MROH2B: variants seen among roughly 807,000 people sequenced by gnomAD.
MROH2B encodes the protein maestro heat-like repeat-containing protein family member 2B.
MROH2B carries 177 observed loss-of-function variants against 208.6 expected under a neutral mutation model. That is an observed-to-expected ratio of 0.85 (90% CI 0.75 to 0.96). The LOEUF (loss-of-function observed/expected upper bound fraction) is 0.96. Among genes scored for constraint, MROH2B ranks in the 40% least tolerant of loss-of-function variants. The pLI, the probability that MROH2B is intolerant of heterozygous loss-of-function variation, is 0.00. For synonymous variants in MROH2B, 728 were observed against 659.0 expected, an observed-to-expected ratio of 1.10 and a Z score of -1.60; for missense variants, 2,002 against 1,878.7, an observed-to-expected ratio of 1.07 and a Z score of -1.21.
At chr5:41,016,512 T>TG (rs925402275) in intron 28 of MROH2B, among the ~76,000 whole-genome samples, 2 of 142,068 alleles carry the variant, frequency 1.4e-5, no homozygotes, top group African/African-American at 5.2e-5. Flanking sequence ...TTTTTTTTTT[T>TG]TTTTTTTTTT....
intron 30 of MROH2B, among the ~76,000 whole-genome samples, chr5:41,011,235 A>T (rs1314372650): frequency 6.6e-6 from 1 of 152,214 alleles, no homozygotes; most frequent in East Asian, 1.9e-4. Flanking sequence ...ATAGACATTT[A>T]AGTTAGACAT....
chr5:41,013,317 T>C (rs1741832986), intron 29 of MROH2B, among the ~76,000 whole-genome samples: 1 of 152,192 alleles, frequency 6.6e-6, no homozygotes, highest in Non-Finnish European at 1.5e-5. Flanking sequence ...AATTGTTGTC[T>C]CTAGGTACAA....
Position 41,061,693 on chromosome 5 carries a change from T to C in MROH2B, c.492A>G (p.Lys164=). The C allele has an allele frequency of 6.2e-7, 1 of 1,613,796 alleles. No individual in the cohort carries two copies. Among genetic ancestry groups the C allele is most frequent in the African/African-American group, 1.3e-5 (1 of 75,050 alleles). ...ALEKFSKAIY[K]YVNHWRDFPY... is the part of the protein sequence containing the mutation. ...GAAAATCTCTCCAGTGGTTGACATATTTGTAAATGGCTTTGCTGAATTTCT... is the reference window on the plus strand; with the variant it reads ...GAAAATCTCTCCAGTGGTTGACATACTTGTAAATGGCTTTGCTGAATTTCT... Residue 164 remains lysine, a synonymous_variant, in exon 6 of 42, where the codon AAA becomes AAG. Coordinates refer to ENST00000399564, the MANE Select transcript of MROH2B (RefSeq NM_173489.5).
intron 34 of MROH2B, 140 bp from the exon 35 acceptor site, chr5:41,005,785 C>A (rs752987052): frequency 5.7e-6 from 4 of 700,680 alleles, no homozygotes; most frequent in Non-Finnish European, 7.2e-6. Context: ...AATCCTAGAA[C>A]TTTGGGAGGC....
rs774295942 is a variant in MROH2B at position 41,038,758 on chromosome 5, G to T, written c.2192C>A (p.Ser731Tyr). The T allele has an allele frequency of 5.0e-6, 8 of 1,612,874 alleles. No individual in the cohort carries two copies. Among genetic ancestry groups the T allele is most frequent in the Non-Finnish European group, 5.9e-6 (7 of 1,179,438 alleles). ...LNQDIISQVL[S>Y]LHGQCSQVLG... is the part of the protein sequence containing the mutation. ...TACCTGAGAGCACTGGCCATGAAGA[G>T]ACAGGACTTGGGATATGATATCTTG... is the stretch of plus-strand genomic sequence containing the variant. Residue 731 changes from serine (S) to tyrosine (Y), a missense_variant, in exon 21 of 42, where the codon TCT becomes TAT. Transcript: ENST00000399564.
Position 41,058,109 on chromosome 5 carries a change from A to T in MROH2B, c.710T>A (p.Leu237His). The change falls in exon 7 of 42, where the codon CTC becomes CAC. Residue 237 changes from leucine to histidine, a missense_variant. Coordinates refer to ENST00000399564, the MANE Select transcript of MROH2B (RefSeq NM_173489.5). Reference protein sequence around the residue: ...RGYALGQVPWLLNQYKDKEID... With the variant: ...RGYALGQVPWHLNQYKDKEID... ...CTCTTTGTCTTTATACTGGTTCAGGAGCCAGGGCACCTGGCCCAGGGCGTA... is the reference window on the plus strand; with the variant it reads ...CTCTTTGTCTTTATACTGGTTCAGGTGCCAGGGCACCTGGCCCAGGGCGTA... 2 of 1,606,490 alleles carry T rather than the reference A, an allele frequency of 1.2e-6. No homozygotes were observed. The highest frequency in any genetic ancestry group is 1.7e-6 in the Non-Finnish European group (2 of 1,176,282).
chr5:41,054,743 A>G, intron 11 of MROH2B, 24 bp downstream of exon 11: 3 of 1,548,044 alleles, frequency 1.9e-6, no homozygotes, highest in Non-Finnish European at 2.6e-6. Context: ...TACCATCGAC[A>G]AGAGTTTCTA....
chr5:41,018,985 G>A lies in MROH2B; in HGVS notation c.2475C>T (p.His825=). Residue 825 remains histidine (H), a synonymous_variant, in exon 25 of 42, where the codon CAC becomes CAT. Transcript: ENST00000399564. The part of the protein sequence containing the change: ...KLKPQLSLQD[H]LNILEENIRR... Reference sequence around the variant, plus strand: ...GAATATTCTCCTCAAGAATGTTAAGGTGGTCTTGTAGTGAGAGCTGAGGTT... The same window carrying A: ...GAATATTCTCCTCAAGAATGTTAAGATGGTCTTGTAGTGAGAGCTGAGGTT... 2 of 1,613,882 alleles carry A rather than the reference G, an allele frequency of 1.2e-6. No individual in the cohort carries two copies. The highest frequency in any genetic ancestry group is 1.7e-6 in the Non-Finnish European group (2 of 1,179,858).
intron 6 of MROH2B, among the ~76,000 whole-genome samples, chr5:41,058,822 G>A (rs992592158): frequency 1.3e-5 from 2 of 151,808 alleles, no homozygotes; most frequent in East Asian, 1.9e-4. Context: ...CGAGGCAGGC[G>A]GATCGCCTGA....
At chr5:41,068,211 C>T (rs902838115) in intron 2 of MROH2B, among the ~76,000 whole-genome samples, 1 of 152,214 alleles carries the variant, frequency 6.6e-6, no homozygotes. Flanking sequence ...TGCATTACTC[C>T]TCAGGGCTGG....
intron 11 of MROH2B, among the ~76,000 whole-genome samples, chr5:41,053,975 C>T (rs1264446225): frequency 6.6e-6 from 1 of 151,902 alleles, no homozygotes. Context: ...TAACTTCTAA[C>T]ATAGAACACC....
intron 37 of MROH2B, 105 bp downstream of exon 37, chr5:41,004,241 A>C: frequency 1.5e-6 from 2 of 1,361,424 alleles, no homozygotes; most frequent in Non-Finnish European, 2.0e-6. Flanking sequence ...GGGGCAGGCC[A>C]AGGAATATGG....
chr5:41,060,618 T>C (rs1426915961), intron 6 of MROH2B, among the ~76,000 whole-genome samples: 2 of 152,200 alleles, frequency 1.3e-5, no homozygotes, highest in African/African-American at 4.8e-5. Flanking sequence ...GCTGCAAGGA[T>C]CAATTCCAAT....
rs1188361897 is a variant in MROH2B, at chr5:41,067,121, A to G, written c.188T>C (p.Met63Thr). The G allele has an allele frequency of 5.2e-6, 8 of 1,549,892 alleles. No homozygotes were observed. Among genetic ancestry groups the G allele is most frequent in the South Asian group, 1.2e-5 (1 of 84,154 alleles). The change falls in exon 3 of 42, where the codon ATG becomes ACG. Residue 63 changes from methionine (M) to threonine (T), a missense_variant. Met to Thr is a moderately conservative substitution (Grantham distance 81, BLOSUM62 -1). Transcript: ENST00000399564. ...QRLIYYASKD[M>T]RDNNMLREIR... ...AACCAAACTTACATTGTTGTCTCTC[A>G]TATCCTTAGAAGCATAATAAATCAA...
chr5:41,000,134 A>G, intron 39 of MROH2B, 86 bp downstream of exon 39: 1 of 1,549,142 alleles, frequency 6.5e-7, no homozygotes, highest in Non-Finnish European at 8.7e-7. Context: ...CTGGCCAGAA[A>G]TTCCTTGCTA....
chr5:41,027,026 C>T (rs896427680), intron 24 of MROH2B, among the ~76,000 whole-genome samples: 1 of 152,244 alleles, frequency 6.6e-6, no homozygotes, highest in African/African-American at 2.4e-5. Context: ...ACACCTTATA[C>T]AAAAATTAAT....
intron 32 of MROH2B, 144 bp from the exon 33 acceptor site, chr5:41,008,937 C>T: frequency 1.2e-6 from 1 of 844,532 alleles, no homozygotes; most frequent in East Asian, 2.7e-5. Flanking sequence ...TTTCTCAACT[C>T]AGGGCCTGCC....
At chr5:41,000,001 A>G in intron 39 of MROH2B, 1 of 696,328 alleles carries the variant, frequency 1.4e-6, no homozygotes, top group Non-Finnish European at 2.4e-6. Flanking sequence ...TTAGGAACCA[A>G]GGAGAATATA....
At position 41,044,784 on chromosome 5, in the gene MROH2B, T is replaced by C. The variant is rs558983022; in HGVS notation, c.1836+962A>G. Among the ~76,000 whole-genome samples, 7 of 152,280 alleles carry C rather than the reference T, an allele frequency of 4.6e-5. No individual in the cohort carries two copies. In the South Asian group the frequency reaches 1.5e-3, roughly 32 times the overall value. On this transcript the variant is annotated intron_variant, in intron 18 of 41. Coordinates refer to ENST00000399564, the MANE Select transcript of MROH2B (RefSeq NM_173489.5). ...TTACTTTGTGGAAAGAAATACTGAG[T>C]ACTGGAACTGAGAAACTTAAATATT...
Sources: allele counts gnomAD v4.1 joint callset (sites outside exome capture counted in the v4.1 genomes callset), GRCh38; gene constraint gnomAD v4.1.1; transcripts MANE v1.5; gene names NCBI Gene and HGNC (gene_info 2026-07-23, HGNC 2026-07-21).